IL1RAPL1: variants seen among roughly 807,000 people sequenced by gnomAD.
The protein encoded by IL1RAPL1 is interleukin 1 receptor accessory protein like 1, also known as interleukin-1 receptor accessory protein-like 1.
IL1RAPL1 carries 3 observed loss-of-function variants against 48.4 expected under a neutral mutation model. The observed-to-expected ratio is 0.06, with a 90% CI of 0.03 to 0.16. IL1RAPL1 has a LOEUF of 0.16. Among genes scored for constraint, IL1RAPL1 ranks in the 10% least tolerant of loss-of-function variants. IL1RAPL1 has a pLI of 1.00. For synonymous variants in IL1RAPL1, 185 were observed against 187.7 expected (o/e 0.99, Z 0.12); for missense variants, 349 against 530.6 (o/e 0.66, Z 3.36).
intron 5 of IL1RAPL1, among the ~76,000 whole-genome samples, chrX:29,499,408 T>G (rs1205299163): frequency 9.0e-6 from 1 of 111,616 alleles, no homozygotes; most frequent in Non-Finnish European, 1.9e-5. Flanking sequence ...GAAGTGTTAA[T>G]GTAGCATGCA....
At chrX:29,519,920 C>T in intron 5 of IL1RAPL1, among the ~76,000 whole-genome samples, 1 of 111,884 alleles carries the variant, frequency 8.9e-6, no homozygotes, top group South Asian at 3.7e-4. Flanking sequence ...TTTCATGCAT[C>T]CTTGCCTCAC....
intron 3 of IL1RAPL1, among the ~76,000 whole-genome samples, chrX:29,364,040 T>G (rs749842372): frequency 8.9e-6 from 1 of 112,650 alleles, no homozygotes; most frequent in Non-Finnish European, 1.9e-5. Context: ...TGATGTAGTT[T>G]ATCTGAATGA....
chrX:29,351,441 C>T (rs915607238), intron 3 of IL1RAPL1, among the ~76,000 whole-genome samples: 22 of 111,205 alleles, frequency 2.0e-4, no homozygotes, highest in African/African-American at 6.5e-4. Flanking sequence ...TTTGAGGAGA[C>T]GATGTGAATA....
intron 3 of IL1RAPL1, among the ~76,000 whole-genome samples, chrX:29,385,215 G>A (rs1933759502): frequency 8.9e-6 from 1 of 112,092 alleles, no homozygotes; most frequent in Non-Finnish European, 1.9e-5. Flanking sequence ...AGCACATTGG[G>A]AGGCCGCAGT....
chrX:29,282,568 C>T (rs1349676428), intron 2 of IL1RAPL1, among the ~76,000 whole-genome samples: 1 of 111,851 alleles, frequency 8.9e-6, no homozygotes, highest in African/African-American at 3.2e-5. Flanking sequence ...GCCCTCTCCC[C>T]ACAAAGCTTC....
intron 3 of IL1RAPL1, among the ~76,000 whole-genome samples, chrX:29,368,718 C>A (rs922807654): frequency 2.8e-5 from 3 of 106,674 alleles, no homozygotes; most frequent in African/African-American, 1.1e-4. Flanking sequence ...TGTGAGCCAA[C>A]ATGCCCAGCC....
chrX:29,514,178 T>C (rs1025222638), intron 5 of IL1RAPL1, among the ~76,000 whole-genome samples: 1 of 111,626 alleles, frequency 9.0e-6, no homozygotes, highest in Non-Finnish European at 1.9e-5. Flanking sequence ...TGATGTTTGA[T>C]AGATTTGCTC....
intron 5 of IL1RAPL1, among the ~76,000 whole-genome samples, chrX:29,465,373 T>C: frequency 8.9e-6 from 1 of 111,925 alleles, no homozygotes. Flanking sequence ...GCCGCTGCAC[T>C]CCAGCCTGGG....
intron 2 of IL1RAPL1, among the ~76,000 whole-genome samples, chrX:29,113,310 C>T (rs1306812829): frequency 9.0e-6 from 1 of 111,698 alleles, no homozygotes; most frequent in African/African-American, 3.3e-5. Context: ...AGCTAGCTGT[C>T]TCAATTATAT....
At chrX:29,312,551 C>CT (rs1350493285) in intron 3 of IL1RAPL1, among the ~76,000 whole-genome samples, 1 of 112,164 alleles carries the variant, frequency 8.9e-6, no homozygotes, top group Non-Finnish European at 1.9e-5. Context: ...TTATGGGTTG[C>CT]TTATTTATAC....
chrX:28,768,824 G>GTA (rs200366562), intron 1 of IL1RAPL1, among the ~76,000 whole-genome samples: 1,259 of 71,117 alleles, frequency 0.018, 17 homozygotes, highest in South Asian at 0.06. Context: ...ATGTGTGTGT[G>GTA]TATATATATA....
At chrX:28,785,869 C>T (rs6630759) in intron 1 of IL1RAPL1, among the ~76,000 whole-genome samples, 6,134 of 111,906 alleles carry the variant, frequency 0.055, 315 homozygotes, top group East Asian at 0.3. Flanking sequence ...TACATCATAG[C>T]AAAACATCTT....
intron 2 of IL1RAPL1, among the ~76,000 whole-genome samples, chrX:28,980,558 A>G (rs918861665): frequency 1.8e-5 from 2 of 111,930 alleles, no homozygotes; most frequent in East Asian, 2.8e-4. Flanking sequence ...CTTCTGCCAC[A>G]TTGTCCATTT....
intron 3 of IL1RAPL1, among the ~76,000 whole-genome samples, chrX:29,302,069 C>G (rs1391348956): frequency 9.0e-6 from 1 of 111,711 alleles, no homozygotes; most frequent in Non-Finnish European, 1.9e-5. Context: ...GGGAAGTACC[C>G]AAGAATAGAA....
At chrX:29,500,886 A>G in intron 5 of IL1RAPL1, among the ~76,000 whole-genome samples, 1 of 109,965 alleles carries the variant, frequency 9.1e-6, no homozygotes, top group Middle Eastern at 4.7e-3. Flanking sequence ...TTTTTTGAGA[A>G]CCCTCCATAC....
chrX:29,825,607 C>G (rs968928604), intron 6 of IL1RAPL1, among the ~76,000 whole-genome samples: 1 of 111,828 alleles, frequency 8.9e-6, no homozygotes, highest in Non-Finnish European at 1.9e-5. Flanking sequence ...TTGTATGTAG[C>G]AGGGATCAGC....
At chrX:29,358,876 C>T (rs900151020) in intron 3 of IL1RAPL1, among the ~76,000 whole-genome samples, 1 of 109,699 alleles carries the variant, frequency 9.1e-6, no homozygotes, top group South Asian at 3.9e-4. Context: ...CAAAAATTAG[C>T]CAGGCATGGT....
chrX:29,739,518 A>G (rs1158899310), intron 6 of IL1RAPL1, among the ~76,000 whole-genome samples: 1 of 111,577 alleles, frequency 9.0e-6, no homozygotes, highest in Non-Finnish European at 1.9e-5. Flanking sequence ...TATGTATAAC[A>G]CGTCCTGCTT....
At chrX:29,273,717 G>A (rs1312517969) in intron 2 of IL1RAPL1, among the ~76,000 whole-genome samples, 1 of 111,180 alleles carries the variant, frequency 9.0e-6, no homozygotes, top group African/African-American at 3.3e-5. Context: ...TGCACCTGCA[G>A]TGGTGGGAGT....
Sources: allele counts gnomAD v4.1 joint callset (sites outside exome capture counted in the v4.1 genomes callset), GRCh38; gene constraint gnomAD v4.1.1; transcripts MANE v1.5; gene names NCBI Gene and HGNC (gene_info 2026-07-23, HGNC 2026-07-21).